The following IPMK variants were observed in gnomAD, a reference collection of about 807,000 sequenced individuals.
The protein encoded by IPMK is inositol polyphosphate multikinase.
Under a neutral mutation model 45.8 loss-of-function variants are expected in IPMK, and 17 were observed. The ratio of observed to expected loss-of-function variants is 0.37; its 90% CI spans 0.25 to 0.56. The LOEUF (loss-of-function observed/expected upper bound fraction) is 0.56, where lower values mean the gene tolerates loss of function less well. Ranked by LOEUF, IPMK falls within the 20% of genes least tolerant of loss-of-function variation. The probability of loss-of-function intolerance (pLI) is 0.79; values close to 1 mark genes in which losing one functional copy is unlikely to be tolerated. For synonymous variants in IPMK, 180 were observed against 184.3 expected (o/e 0.98, Z 0.19); for missense variants, 399 against 498.0 (o/e 0.80, Z 1.89).
At chr10:58,244,415 G>A (rs1217526227) in intron 1 of IPMK, among the ~76,000 whole-genome samples, 16 of 78,512 alleles carry the variant, frequency 2.0e-4, no homozygotes, top group African/African-American at 9.5e-4. Context: ...GGTGGGGAGC[G>A]CCTCCGCCCA....
intron 4 of IPMK, among the ~76,000 whole-genome samples, chr10:58,214,983 C>T (rs2790155): frequency 0.34 from 51,435 of 151,984 alleles, 10,941 homozygotes; most frequent in African/African-American, 0.61. Context: ...TAGCCCTGTA[C>T]TAGATTTTGC....
rs566714614 is a variant in IPMK, at chr10:58,244,173, G to A, written c.191-6359C>T. The stretch of plus-strand genomic sequence containing the variant: ...AGGGGCGTCTCTGCCCGGCCGCCCC[G>A]TCTGGGAGGTGAGGAGCGCCTCTGC... On this transcript the variant is annotated intron_variant, in intron 1 of 5. Transcript: ENST00000373935. Among the ~76,000 whole-genome samples the A allele has an allele frequency of 1.9e-3, 275 of 144,322 alleles. 1 individual carries two copies. The highest frequency in any genetic ancestry group is 6.8e-3 in the African/African-American group (261 of 38,470). 94.7% of individuals were successfully genotyped at this position (144,322 alleles called of 152,430 possible).
chr10:58,210,095 G>A (rs1838135365), intron 4 of IPMK, among the ~76,000 whole-genome samples: 1 of 152,018 alleles, frequency 6.6e-6, no homozygotes, highest in South Asian at 2.1e-4. Flanking sequence ...CTTGGGTGGG[G>A]CTTGCTGCAG....
chr10:58,241,414 A>T (rs1838695526), intron 1 of IPMK, among the ~76,000 whole-genome samples: 1 of 152,160 alleles, frequency 6.6e-6, no homozygotes, highest in South Asian at 2.1e-4. Context: ...CACAAAGAAG[A>T]CCTAAAGTAG....
At chr10:58,204,219 G>A (rs1442582875) in intron 4 of IPMK, among the ~76,000 whole-genome samples, 1 of 151,978 alleles carries the variant, frequency 6.6e-6, no homozygotes, top group Non-Finnish European at 1.5e-5. Context: ...AAATAAGCTA[G>A]GTGTGGTAGC....
At chr10:58,218,041 T>C (rs1160948070) in intron 3 of IPMK, among the ~76,000 whole-genome samples, 1 of 152,146 alleles carries the variant, frequency 6.6e-6, no homozygotes, top group Non-Finnish European at 1.5e-5. Context: ...AATCTTCTCC[T>C]TCAAAGGACA....
chr10:58,267,592 G>T lies in IPMK; in HGVS notation c.20C>A (p.Ser7Tyr). 6.2e-7 allele frequency: 1 copy of T among 1,602,506 alleles called. No individual in the cohort carries two copies. The highest frequency in any genetic ancestry group is 1.1e-5 in the South Asian group (1 of 90,024). Residue 7 changes from serine (S) to tyrosine (Y), a missense_variant, in exon 1 of 6, where the codon TCC becomes TAC. By Grantham distance (144) the Ser-to-Tyr change is moderately radical (BLOSUM62 -2). Around this residue, in one of 2 missense-constraint regions of IPMK, gnomAD observed 111 missense variants for 99.9 expected, o/e 1.11. Transcript: ENST00000373935. ...GCCCGGCGCCTCGACCCGGAGGGGGGATGGTGGCTCTGTTGCCATAACGGA... is the reference window on the plus strand; with the variant it reads ...GCCCGGCGCCTCGACCCGGAGGGGGTATGGTGGCTCTGTTGCCATAACGGA... MATEPP[S>Y]PLRVEAPGPP...
At chr10:58,257,265 C>A (rs1405368403) in intron 1 of IPMK, among the ~76,000 whole-genome samples, 1 of 152,084 alleles carries the variant, frequency 6.6e-6, no homozygotes, top group East Asian at 1.9e-4. Context: ...GACTCCAAGG[C>A]GGGTTGATCG....
intron 1 of IPMK, among the ~76,000 whole-genome samples, chr10:58,244,366 A>G (rs1418854603): frequency 2.7e-5 from 3 of 113,152 alleles, no homozygotes; most frequent in African/African-American, 7.1e-5. Flanking sequence ...CCCTCTGGGA[A>G]GTGGGGGGTG....
intron 1 of IPMK, among the ~76,000 whole-genome samples, chr10:58,253,419 C>T (rs537676674): frequency 6.6e-6 from 1 of 152,244 alleles, no homozygotes; most frequent in East Asian, 1.9e-4. Flanking sequence ...CTTTATCCTT[C>T]CTTTGTGTTT....
intron 1 of IPMK, among the ~76,000 whole-genome samples, chr10:58,256,614 C>T (rs760934327): frequency 2.4e-4 from 36 of 152,232 alleles, no homozygotes; most frequent in African/African-American, 7.5e-4. Flanking sequence ...ACTCCCTGTT[C>T]GTACCCCCCT....
intron 2 of IPMK, 34 bp from the exon 3 acceptor site, chr10:58,227,173 T>A: frequency 6.9e-7 from 1 of 1,442,596 alleles, no homozygotes; most frequent in South Asian, 1.2e-5. Flanking sequence ...GCTAGATTCT[T>A]ACAATGCTTT....
At chr10:58,236,519 A>G (rs1838615287) in intron 2 of IPMK, among the ~76,000 whole-genome samples, 1 of 152,220 alleles carries the variant, frequency 6.6e-6, no homozygotes. Flanking sequence ...ATATTAACAG[A>G]TTAAAGAAGG....
In IPMK at chr10:58,219,018, A is replaced by T. The variant is rs1390605204; in HGVS notation, c.374-2701T>A. ...GGATGAATATCATGGGTTTTATTTG[A>T]TATTTTGTTAGACTATCCAAATGTG... On this transcript the variant is annotated intron_variant, in intron 3 of 5. Transcript: ENST00000373935. 4.6e-5 allele frequency among the ~76,000 whole-genome samples: 7 copies of T among 152,260 alleles called. No individual in the cohort carries two copies. The South Asian group carries it at 1.2e-3, about 27-fold the overall frequency.
intron 1 of IPMK, among the ~76,000 whole-genome samples, chr10:58,239,554 A>G (rs553846741): frequency 6.6e-6 from 1 of 152,294 alleles, no homozygotes; most frequent in South Asian, 2.1e-4. Flanking sequence ...CAAGCGGTAG[A>G]CAACAGCATG....
chr10:58,208,554 T>A (rs891606793), intron 4 of IPMK, among the ~76,000 whole-genome samples: 1 of 152,232 alleles, frequency 6.6e-6, no homozygotes, highest in Non-Finnish European at 1.5e-5. Context: ...AATGTTCATT[T>A]TAGTCTAAAC....
At chr10:58,210,671 G>T (rs1203537528) in intron 4 of IPMK, among the ~76,000 whole-genome samples, 2 of 152,072 alleles carry the variant, frequency 1.3e-5, no homozygotes, top group African/African-American at 4.8e-5. Flanking sequence ...CATTTTACGT[G>T]GCCCCCTAAA....
chr10:58,221,158 C>A (rs771377775), intron 3 of IPMK, among the ~76,000 whole-genome samples: 1 of 152,138 alleles, frequency 6.6e-6, no homozygotes, highest in Non-Finnish European at 1.5e-5. Flanking sequence ...CTACTTATTA[C>A]ATATTGATTT....
chr10:58,216,382 G>A, intron 3 of IPMK, 65 bp from the exon 4 acceptor site: 7 of 668,436 alleles, frequency 1.0e-5, no homozygotes, highest in South Asian at 4.3e-5. Context: ...TACTTGCCAG[G>A]GAAAAACAAG....
Sources: gnomAD v4.1 joint callset for allele counts (sites outside exome capture counted in the v4.1 genomes callset) on GRCh38, gnomAD v4.1.1 for gene constraint, gnomAD v4.1.1 regional missense constraint, MANE v1.5 for transcripts, NCBI Gene and HGNC (gene_info 2026-07-23, HGNC 2026-07-21) for gene names.